Variants in EPPK1 observed in about 807,000 individuals in gnomAD.
EPPK1 encodes the protein epiplakin 1, also known as epiplakin.
For missense variants in EPPK1, 3,823 were observed against 3,673.3 expected (o/e 1.04, Z -1.05); for synonymous variants, 1,862 against 1,721.2 (o/e 1.08, Z -2.03).
chr8:143,878,884 G>A (rs1554662792), upstream of EPPK1, among the ~76,000 whole-genome samples: 1 of 152,054 alleles, frequency 6.6e-6, no homozygotes, highest in African/African-American at 2.4e-5. Context: ...GCTTCACGTC[G>A]TGTGTCTGCT....
chr8:143,873,136 C>A lies in EPPK1; in HGVS notation c.118G>T (p.Ala40Ser). ...ACATACACCCCAGCTATGCTCCTGG[C>A]CTGGGGCCTGGGGGGCGTGCCGGCT... The part of the protein sequence containing the change: ...LGAGTPPRPQ[A>S]RSIAGVYVEA... Residue 40 changes from alanine (A) to serine (S), a missense_variant, in exon 2 of 2, where the codon GCC becomes TCC. Ala to Ser is a moderately conservative substitution (Grantham distance 99). Coordinates refer to ENST00000615648, the MANE Select transcript of EPPK1 (RefSeq NM_031308.4). 1 of 1,583,714 alleles carries A rather than the reference C, an allele frequency of 6.3e-7. No individual in the cohort carries two copies. The highest frequency in any genetic ancestry group is 1.3e-5 in the African/African-American group (1 of 74,428).
chr8:143,872,437 C>G lies in EPPK1; in HGVS notation c.817G>C (p.Ala273Pro). 1 of 1,598,918 alleles carries G rather than the reference C, an allele frequency of 6.3e-7. No individual in the cohort carries two copies. The highest frequency in any genetic ancestry group is 8.5e-7 in the Non-Finnish European group (1 of 1,178,378). Residue 273 changes from alanine to proline, a missense_variant, in exon 2 of 2, where the codon GCA (alanine) becomes CCA (proline). Physicochemically the swap from Ala to Pro is conservative, Grantham distance 27. Coordinates refer to ENST00000615648, the MANE Select transcript of EPPK1 (RefSeq NM_031308.4). ...EGRLAAVDVS[A>P]RAEVRRYLEG... ...AGGTAGCGCCGCACCTCGGCACGTG[C>G]ACTCACGTCCACTGCGGCCAGCCTG...
Position 143,857,927 on chromosome 8 carries a change from G to GAAAAAAAAAAAAAAAAAAA in EPPK1, c.*59_*60insTTTTTTTTTTTTTTTTTTT. 1.6e-6 allele frequency: 1 copy of GAAAAAAAAAAAAAAAAAAA among 630,790 alleles called. No homozygotes were observed. Among genetic ancestry groups the GAAAAAAAAAAAAAAAAAAA allele is most frequent in the South Asian group, 3.5e-5 (1 of 28,588 alleles). 39.1% of individuals were successfully genotyped at this position (630,790 alleles called of 1,614,324 possible). A position where few individuals can be genotyped will look rare whatever the true frequency, so the allele number is the denominator to read the frequency against. On this transcript the variant is annotated 3_prime_UTR_variant, in exon 2 of 2. Coordinates refer to ENST00000615648, the MANE Select transcript of EPPK1 (RefSeq NM_031308.4). The stretch of plus-strand genomic sequence containing the variant: ...AAAAAAAAAAAAAAAAAACAACCCA[G>GAAAAAAAAAAAAAAAAAAA]ACACACAAGTATGCCTCCACTTCTC...
At chr8:143,875,680 G>A (rs951657865) in intron 1 of EPPK1, among the ~76,000 whole-genome samples, 4 of 152,262 alleles carry the variant, frequency 2.6e-5, no homozygotes, top group African/African-American at 9.6e-5. Flanking sequence ...GGATGCCTGG[G>A]CGCTTGTCTT....
rs1554660465 is a variant in EPPK1 at position 143,869,686 on chromosome 8, C to T, written c.3568G>A (p.Ala1190Thr). Residue 1190 changes from alanine (A) to threonine (T), a missense_variant, in exon 2 of 2, where the codon GCC becomes ACC. Coordinates refer to ENST00000615648, the MANE Select transcript of EPPK1 (RefSeq NM_031308.4). ...CCGGGCACCATGACGCGGGCCTGGG[C>T]CAGGAGCTTGGTCTCCTGTACCCAC... ...QRWVQETKLL[A>T]QARVMVPGPR... is the part of the protein sequence containing the mutation. 13 of 1,595,848 alleles carry T rather than the reference C, an allele frequency of 8.1e-6. No homozygotes were observed.
In EPPK1 at chr8:143,866,675, C is replaced by T. The variant is rs377540656; in HGVS notation, c.6579G>A (p.Thr2193=). The T allele has an allele frequency of 4.2e-5, 68 of 1,613,234 alleles. No homozygotes were observed. Among genetic ancestry groups the T allele is most frequent in the Middle Eastern group, 3.3e-4 (2 of 6,062 alleles). Residue 2193 remains threonine (T), a synonymous_variant, in exon 2 of 2, where the codon ACG becomes ACA. Coordinates refer to ENST00000615648, the MANE Select transcript of EPPK1 (RefSeq NM_031308.4). The part of the protein sequence containing the change: ...ASELLSSAII[T]EEMLQDLETG... ...TTTCCAGGTCCTGGAGCATTTCCTC[C>T]GTGATTATGGCTGAGCTGAGGAGTT...
chr8:143,870,674 C>T lies in EPPK1; in HGVS notation c.2580G>A (p.Thr860=), dbSNP rs546228588. 64 of 1,608,214 alleles carry T rather than the reference C, an allele frequency of 4.0e-5. No individual in the cohort carries two copies. The Admixed American group carries it at 4.4e-4, about 11-fold the overall frequency. Residue 860 remains threonine, a synonymous_variant, in exon 2 of 2, where the codon ACG becomes ACA. Coordinates refer to ENST00000615648, the MANE Select transcript of EPPK1 (RefSeq NM_031308.4). This position sits in a 1 kb window ranked among gnomAD's most constrained non-coding sequence, Gnocchi z 5.2. ...LLRRYRQREV[T]LGQVAKLLEA... The stretch of plus-strand genomic sequence containing the variant: ...CCAGCAGCTTTGCCACCTGCCCCAG[C>T]GTGACCTCGCGCTGCCGGTAGCGAC...
In EPPK1 at chr8:143,872,423, C is replaced by A; in HGVS notation, c.831G>T (p.Val277=). The A allele has an allele frequency of 6.2e-7, 1 of 1,601,168 alleles. No individual in the cohort carries two copies. The highest frequency in any genetic ancestry group is 8.5e-7 in the Non-Finnish European group (1 of 1,179,244). The change falls in exon 2 of 2, where the codon GTG becomes GTT. Residue 277 remains valine, a synonymous_variant. Coordinates refer to ENST00000615648, the MANE Select transcript of EPPK1 (RefSeq NM_031308.4). ...AAVDVSARAE[V]RRYLEGTGSV... is the part of the protein sequence containing the mutation. The stretch of plus-strand genomic sequence containing the variant: ...TGCCGGTACCCTCCAGGTAGCGCCG[C>A]ACCTCGGCACGTGCACTCACGTCCA...
chr8:143,874,335 C>G (rs1172427084), intron 1 of EPPK1, among the ~76,000 whole-genome samples: 1 of 152,252 alleles, frequency 6.6e-6, no homozygotes, highest in African/African-American at 2.4e-5. Context: ...AAGTCCTAAT[C>G]TACAGTCCCT....
Position 143,869,978 on chromosome 8 carries a change from G to T in EPPK1, c.3276C>A (p.Arg1092=), listed in dbSNP as rs782259992. The T allele has an allele frequency of 2.3e-5, 37 of 1,606,844 alleles. No homozygotes were observed. Among genetic ancestry groups the T allele is most frequent in the Non-Finnish European group, 3.0e-5 (35 of 1,176,660 alleles). Reference sequence around the variant, plus strand: ...CCTCCAGGAGCTGGGCATAGCTCGTGCGCCCCTGGCCGTCCGGTGTGGGGA... The same window carrying T: ...CCTCCAGGAGCTGGGCATAGCTCGTTCGCCCCTGGCCGTCCGGTGTGGGGA... The part of the protein sequence containing the change: ...ETFPTPDGQG[R]TSYAQLLEEC... Residue 1092 remains arginine (R), a synonymous_variant, in exon 2 of 2, where the codon CGC becomes CGA. Transcript: ENST00000615648.
In EPPK1 at chr8:143,857,980, A is replaced by C; in HGVS notation, c.*7T>G. The C allele has an allele frequency of 6.4e-7, 1 of 1,569,160 alleles. No individual in the cohort carries two copies. The highest frequency in any genetic ancestry group is 8.7e-7 in the Non-Finnish European group (1 of 1,153,018). On this transcript the variant is annotated 3_prime_UTR_variant, in exon 2 of 2. Transcript: ENST00000615648. ...GAGTTGCAGAAAACTGCACGGAGGA[A>C]GCCCAGTCACTGTAGAGAGAGAGAA...
Position 143,868,915 on chromosome 8 carries a change from C to T in EPPK1, c.4339G>A (p.Ala1447Thr), listed in dbSNP as rs370183040. 5.6e-5 allele frequency: 90 copies of T among 1,610,930 alleles called. No individual in the cohort carries two copies. The highest frequency in any genetic ancestry group is 3.7e-4 in the South Asian group (34 of 91,086). ...DTVLEVDDHT[A>T]VALRAMKVPV... ...ACCTTCATGGCCCTCAGAGCCACCG[C>T]GGTGTGGTCGTCCACCTCAAGCACT... The change falls in exon 2 of 2, where the codon GCG becomes ACG. Residue 1447 changes from alanine (A) to threonine (T), a missense_variant. Physicochemically the swap from Ala to Thr is moderately conservative, Grantham distance 58. Coordinates refer to ENST00000615648, the MANE Select transcript of EPPK1 (RefSeq NM_031308.4).
At chr8:143,875,957 C>G (rs539563144) in intron 1 of EPPK1, among the ~76,000 whole-genome samples, 1 of 152,176 alleles carries the variant, frequency 6.6e-6, no homozygotes, top group East Asian at 1.9e-4. Context: ...CCCCCCACCC[C>G]CCACTGACCT....
At chr8:143,877,206 C>T (rs1241091113) in intron 1 of EPPK1, among the ~76,000 whole-genome samples, 2 of 152,202 alleles carry the variant, frequency 1.3e-5, no homozygotes, top group Admixed American at 1.3e-4. Context: ...ATGAACCCCT[C>T]TGGGCCCTGC....
intron 1 of EPPK1, among the ~76,000 whole-genome samples, chr8:143,875,965 C>G (rs1218929499): frequency 2.0e-5 from 3 of 152,256 alleles, no homozygotes; most frequent in African/African-American, 7.2e-5. Context: ...CCCCCACTGA[C>G]CTATGATGGA....
chr8:143,878,127 G>A (rs1334905590), intron 1 of EPPK1, among the ~76,000 whole-genome samples: 1 of 152,052 alleles, frequency 6.6e-6, no homozygotes, highest in African/African-American at 2.4e-5. Context: ...CCCCGCCCCT[G>A]GCCGCCTCTC....
chr8:143,866,814 G>C lies in EPPK1; in HGVS notation c.6440C>G (p.Thr2147Ser). 1.2e-6 allele frequency: 2 copies of C among 1,613,446 alleles called. No individual in the cohort carries two copies. Among genetic ancestry groups the C allele is most frequent in the African/African-American group, 1.3e-5 (1 of 75,058 alleles). The part of the protein sequence containing the change: ...LQLVRMYRTH[T>S]RRALQTVAQL... ...CGCTACCGTCTGCAGTGCCCGTCTG[G>C]TGTGTGTTCTATACATCCTCACCAG... Residue 2147 changes from threonine to serine, a missense_variant, in exon 2 of 2, where the codon ACC becomes AGC. Coordinates refer to ENST00000615648, the MANE Select transcript of EPPK1 (RefSeq NM_031308.4).
rs1554659482 is a variant in EPPK1 at position 143,867,435 on chromosome 8, A to T, written c.5819T>A (p.Leu1940His). 6.2e-7 allele frequency: 1 copy of T among 1,612,656 alleles called. No homozygotes were observed. Among genetic ancestry groups the T allele is most frequent in the Non-Finnish European group, 8.5e-7 (1 of 1,179,850 alleles). ...CTTCTGGCGGGTGCAGGGGTCCAGG[A>T]GGAACCCGGTGGCGGCCTGCGCCTC... ...LLEAQAATGF[L>H]LDPCTRQKLS... The change falls in exon 2 of 2, where the codon CTC (leucine) becomes CAC (histidine). Residue 1940 changes from leucine (L) to histidine (H), a missense_variant. Coordinates refer to ENST00000615648, the MANE Select transcript of EPPK1 (RefSeq NM_031308.4).
In EPPK1 at chr8:143,871,463, G is replaced by T; in HGVS notation, c.1791C>A (p.Gly597=). 6.2e-7 allele frequency: 1 copy of T among 1,608,008 alleles called. No individual in the cohort carries two copies. The highest frequency in any genetic ancestry group is 8.5e-7 in the Non-Finnish European group (1 of 1,178,224). ...GGTACCTCTGCACCGAGGCCAGGCT[G>T]CCCACATCCTTGGCTGTGGCCTGTC... ...EHGQATAKDV[G]SLASVQRYLQ... is the part of the protein sequence containing the mutation. The change falls in exon 2 of 2, where the codon GGC becomes GGA. Residue 597 remains glycine, a synonymous_variant. Transcript: ENST00000615648.
Sources: gnomAD v4.1 joint callset for allele counts (sites outside exome capture counted in the v4.1 genomes callset) on GRCh38, gnomAD v4.1.1 for gene constraint, Gnocchi (gnomAD v3.1) non-coding constraint, MANE v1.5 for transcripts, NCBI Gene and HGNC (gene_info 2026-07-23, HGNC 2026-07-21) for gene names.